The following MYO5A variants were observed in gnomAD, a reference collection of about 807,000 sequenced individuals.
MYO5A encodes unconventional myosin-Va.
In MYO5A, 98 loss-of-function variants were observed where a neutral mutation model predicts 249.7. The ratio of observed to expected loss-of-function variants is 0.39; its 90% CI spans 0.33 to 0.46. MYO5A has a LOEUF of 0.46. Among genes scored for constraint, MYO5A ranks in the 20% least tolerant of loss-of-function variants. MYO5A has a pLI of 0.98. For missense variants in MYO5A, 1,696 were observed against 2,308.8 expected, an observed-to-expected ratio of 0.73 and a Z score of 5.44; for synonymous variants, 778 against 810.6, an observed-to-expected ratio of 0.96 and a Z score of 0.68.
intron 1 of MYO5A, among the ~76,000 whole-genome samples, chr15:52,443,994 G>A (rs2075838777): frequency 6.6e-6 from 1 of 151,572 alleles, no homozygotes; most frequent in South Asian, 2.1e-4. Flanking sequence ...AAAAAAAAAA[G>A]GAAAATCAAG....
chr15:52,377,817 C>T (rs375614895), intron 18 of MYO5A, among the ~76,000 whole-genome samples: 8 of 152,176 alleles, frequency 5.3e-5, no homozygotes, highest in South Asian at 2.1e-4. Flanking sequence ...GCAGTCCGCC[C>T]GCCACGGCCT....
intron 1 of MYO5A, among the ~76,000 whole-genome samples, chr15:52,508,381 AG>A (rs57429262): frequency 0.14 from 21,788 of 150,374 alleles, 1,658 homozygotes; most frequent in Middle Eastern, 0.22. Context: ...GGGTTTTATA[AG>A]GAAAAAAAAA....
intron 1 of MYO5A, among the ~76,000 whole-genome samples, chr15:52,504,746 C>T (rs886338329): frequency 2.6e-5 from 4 of 151,840 alleles, no homozygotes; most frequent in African/African-American, 7.3e-5. Context: ...AAAAATTAGC[C>T]GGGCATGGTG....
At chr15:52,341,667 A>AT (rs5812598) in intron 31 of MYO5A, among the ~76,000 whole-genome samples, 141,509 of 152,268 alleles carry the variant, frequency 0.93, 65,807 homozygotes, top group Admixed American at 0.96. Flanking sequence ...GACTAAAAAT[A>AT]TTTAGTGATT....
chr15:52,437,899 C>G (rs991567674), intron 1 of MYO5A: 1 of 302,958 alleles, frequency 3.3e-6, no homozygotes, highest in Non-Finnish European at 4.8e-6. Context: ...GGATAAGGCC[C>G]TCATATTCAC....
chr15:52,485,714 C>T (rs1189119054), intron 1 of MYO5A, among the ~76,000 whole-genome samples: 1 of 152,026 alleles, frequency 6.6e-6, no homozygotes, highest in East Asian at 1.9e-4. Flanking sequence ...AAGATAATAA[C>T]ATAAACATAC....
intron 1 of MYO5A, among the ~76,000 whole-genome samples, chr15:52,487,290 C>A (rs2076841891): frequency 6.6e-6 from 1 of 152,042 alleles, no homozygotes; most frequent in Non-Finnish European, 1.5e-5. Context: ...ATGACACACA[C>A]CCGTAGTTCC....
At chr15:52,423,677 A>G (rs1020264107) in intron 4 of MYO5A, among the ~76,000 whole-genome samples, 1 of 152,232 alleles carries the variant, frequency 6.6e-6, no homozygotes, top group African/African-American at 2.4e-5. Flanking sequence ...ATTTATTTAT[A>G]TAAATGGTAA....
In MYO5A at chr15:52,417,191, A is replaced by G. The variant is rs369179269; in HGVS notation, c.456-890T>C. Among the ~76,000 whole-genome samples, 13 of 152,366 alleles carry G rather than the reference A, an allele frequency of 8.5e-5. No homozygotes were observed. The East Asian group carries it at 2.5e-3, about 29-fold the overall frequency. On this transcript the variant is annotated intron_variant, in intron 4 of 41. Coordinates refer to ENST00000399233, the MANE Select transcript of MYO5A (RefSeq NM_001382347.1). The stretch of plus-strand genomic sequence containing the variant: ...CATCACAACTAAGGATGAATCTGCA[A>G]TAGAGGGCCTCTGAATTCTTATGTG...
At chr15:52,474,525 C>T (rs1241083448) in intron 1 of MYO5A, among the ~76,000 whole-genome samples, 38 of 152,182 alleles carry the variant, frequency 2.5e-4, no homozygotes, top group African/African-American at 3.6e-4. Context: ...GGCTGTGGGA[C>T]TGTCATAAAT....
chr15:52,337,348 T>G (rs1009972039), intron 33 of MYO5A, among the ~76,000 whole-genome samples: 1 of 152,152 alleles, frequency 6.6e-6, no homozygotes, highest in African/African-American at 2.4e-5. Context: ...AAAAAGAAAG[T>G]GGACAACAGT....
intron 10 of MYO5A, among the ~76,000 whole-genome samples, 161 bp from the exon 11 acceptor site, chr15:52,396,558 A>AATGTACTATGTAC (rs1481992181): frequency 8.5e-5 from 13 of 152,328 alleles, no homozygotes; most frequent in Admixed American, 7.2e-4. Flanking sequence ...AGTCAGTAAC[A>AATGTACTATGTAC]AGGAATATGT....
chr15:52,477,745 AT>A (rs975319906), intron 1 of MYO5A, among the ~76,000 whole-genome samples: 1 of 152,150 alleles, frequency 6.6e-6, no homozygotes, highest in African/African-American at 2.4e-5. Context: ...AGAACGGCTA[AT>A]GTTGCTGCCT....
At chr15:52,477,866 C>T (rs1238757710) in intron 1 of MYO5A, among the ~76,000 whole-genome samples, 1 of 152,214 alleles carries the variant, frequency 6.6e-6, no homozygotes, top group African/African-American at 2.4e-5. Flanking sequence ...GTCAGGGACC[C>T]ACTTGAGGAG....
At chr15:52,411,736 AAAC>A (rs1246458404) in intron 5 of MYO5A, among the ~76,000 whole-genome samples, 1 of 152,248 alleles carries the variant, frequency 6.6e-6, no homozygotes, top group Non-Finnish European at 1.5e-5. Context: ...TAAGTAATGA[AAAC>A]AATAGTAACA....
intron 29 of MYO5A, among the ~76,000 whole-genome samples, chr15:52,347,957 T>C (rs2039725788): frequency 6.6e-6 from 1 of 152,238 alleles, no homozygotes; most frequent in Non-Finnish European, 1.5e-5. Flanking sequence ...CCCAAGTGTT[T>C]ACATCAAATA....
At chr15:52,415,178 A>G (rs1424009962) in intron 5 of MYO5A, among the ~76,000 whole-genome samples, 1 of 152,164 alleles carries the variant, frequency 6.6e-6, no homozygotes, top group East Asian at 1.9e-4. Context: ...TTTTAACTCC[A>G]TCTGTGTTTG....
At position 52,319,203 on chromosome 15, in the gene MYO5A, G is replaced by A. The variant is rs1255631085; in HGVS notation, c.5091C>T (p.His1697=). Residue 1697 remains histidine (H), a synonymous_variant, in exon 39 of 42, where the codon CAC becomes CAT. Transcript: ENST00000399233. ...DSILRQLNSF[H]SVMCQHGMDP... ...CCATGCCATGCTGACACATGACCGA[G>A]TGGAAGGAGTTGAGCTGCCGGAGGA... 11 of 1,614,108 alleles carry A rather than the reference G, an allele frequency of 6.8e-6. No individual in the cohort carries two copies. Among genetic ancestry groups the A allele is most frequent in the Non-Finnish European group, 8.5e-6 (10 of 1,180,048 alleles).
intron 1 of MYO5A, among the ~76,000 whole-genome samples, chr15:52,463,771 T>A (rs1371637468): frequency 3.3e-5 from 5 of 152,230 alleles, no homozygotes; most frequent in Non-Finnish European, 7.3e-5. Context: ...AAGTCAGCAT[T>A]GCCCTCTTCA....
Sources: allele counts gnomAD v4.1 joint callset (sites outside exome capture counted in the v4.1 genomes callset), GRCh38; gene constraint gnomAD v4.1.1; transcripts MANE v1.5; gene names NCBI Gene and HGNC (gene_info 2026-07-23, HGNC 2026-07-21).